DIP2C: variants seen among roughly 807,000 people sequenced by gnomAD.
The protein encoded by DIP2C is DIP2 acetate--CoA ligase C (putative), also known as disco-interacting protein 2 homolog C.
In DIP2C, 33 loss-of-function variants were observed where a neutral mutation model predicts 192.4. The observed-to-expected ratio is 0.17, with a 90% CI of 0.13 to 0.23. DIP2C has a LOEUF of 0.23. Ranked by LOEUF, DIP2C falls within the 10% of genes least tolerant of loss-of-function variation. The probability of loss-of-function intolerance (pLI) is 1.00; values close to 1 mark genes in which losing one functional copy is unlikely to be tolerated. For missense variants in DIP2C, 1,537 were observed against 2,110.1 expected, an observed-to-expected ratio of 0.73 and a Z score of 5.32; for synonymous variants, 979 against 864.1, an observed-to-expected ratio of 1.13 and a Z score of -2.33.
chr10:343,931 T>C (rs1010260838), intron 28 of DIP2C, among the ~76,000 whole-genome samples: 6 of 152,218 alleles, frequency 3.9e-5, no homozygotes, highest in African/African-American at 1.4e-4. Flanking sequence ...CAACCGTGTA[T>C]GGGGTGTAAG....
intron 3 of DIP2C, among the ~76,000 whole-genome samples, chr10:460,587 A>C (rs1589845303): frequency 6.6e-6 from 1 of 152,240 alleles, no homozygotes; most frequent in East Asian, 1.9e-4. Flanking sequence ...GGCTGCTAAA[A>C]TTCAGTCATT....
chr10:388,108 A>G (rs906038276), intron 13 of DIP2C, among the ~76,000 whole-genome samples: 1 of 151,922 alleles, frequency 6.6e-6, no homozygotes, highest in African/African-American at 2.4e-5. Context: ...CTTTTTCTTT[A>G]AAAGATTTCT....
chr10:538,519 C>T (rs1564829795), intron 1 of DIP2C, among the ~76,000 whole-genome samples: 2 of 152,148 alleles, frequency 1.3e-5, no homozygotes, highest in Admixed American at 6.5e-5. Context: ...CAGTCCGGAC[C>T]GTACAGGGGC....
chr10:470,709 C>T (rs1375635561), intron 3 of DIP2C, among the ~76,000 whole-genome samples: 1 of 152,150 alleles, frequency 6.6e-6, no homozygotes, highest in African/African-American at 2.4e-5. Flanking sequence ...CACGCAGTGG[C>T]GACTGACGCG....
chr10:391,749 G>C (rs1451936726), intron 10 of DIP2C, among the ~76,000 whole-genome samples: 1 of 152,210 alleles, frequency 6.6e-6, no homozygotes, highest in Admixed American at 6.5e-5. Context: ...GGCTCAGCAT[G>C]AACCCCTCAA....
intron 31 of DIP2C, among the ~76,000 whole-genome samples, chr10:313,147 G>A (rs1956632175): frequency 6.6e-6 from 1 of 152,112 alleles, no homozygotes. Flanking sequence ...CATATTGAGG[G>A]AGTATTTAAC....
rs79957073 is a variant in DIP2C at position 429,062 on chromosome 10, T to G, written c.395-6029A>C. On this transcript the variant is annotated intron_variant, in intron 4 of 36. Transcript: ENST00000280886. ...ACTGAAACATCATTATCACCCAAAC[T>G]CCATCGTTCACATCAGGGTTCATTC... Among the ~76,000 whole-genome samples the G allele has an allele frequency of 5.9e-3, 900 of 152,060 alleles. 3 individuals are homozygous for G. The highest frequency in any genetic ancestry group is 0.014 in the East Asian group (70 of 5,166).
chr10:514,132 C>T (rs1316292353), intron 1 of DIP2C, among the ~76,000 whole-genome samples: 1 of 152,216 alleles, frequency 6.6e-6, no homozygotes, highest in Admixed American at 6.5e-5. Context: ...CAGAGGCTTC[C>T]TGGTGCATTC....
At chr10:446,382 C>A (rs61837246) in intron 3 of DIP2C, among the ~76,000 whole-genome samples, 2 of 149,972 alleles carry the variant, frequency 1.3e-5, no homozygotes, top group Admixed American at 6.6e-5. Flanking sequence ...ATCTGTATAC[C>A]TCTGTTGTGA....
At chr10:336,539 T>C (rs1957776499) in intron 29 of DIP2C, among the ~76,000 whole-genome samples, 1 of 152,240 alleles carries the variant, frequency 6.6e-6, no homozygotes, top group Non-Finnish European at 1.5e-5. Context: ...GATGAGCATA[T>C]ACAATTATGT....
rs142820128 is a variant in DIP2C, at chr10:399,355, C to A, written c.1150-136G>T. ...CCTATGTAAAATGCATTTCAGTAAG[C>A]TGTGTTTTAATAAGCATCACACACC... is the stretch of plus-strand genomic sequence containing the variant. On this transcript the variant is annotated intron_variant, in intron 9 of 36. Transcript: ENST00000280886. The A allele has an allele frequency of 1.8e-4, 118 of 643,660 alleles. 1 individual carries two copies. In the East Asian group the frequency reaches 3.1e-3, roughly 17 times the overall value. The allele number at this position is 643,660 out of a possible 1,614,324, so 39.9% of individuals were successfully genotyped here.
intron 1 of DIP2C, among the ~76,000 whole-genome samples, chr10:549,636 G>C (rs1170743695): frequency 1.3e-5 from 2 of 151,976 alleles, no homozygotes; most frequent in East Asian, 3.9e-4. Flanking sequence ...CCCCGACCAG[G>C]TGCCGGGGGC....
At chr10:494,821 T>C (rs1285524344) in intron 1 of DIP2C, among the ~76,000 whole-genome samples, 5 of 152,128 alleles carry the variant, frequency 3.3e-5, no homozygotes, top group Non-Finnish European at 4.4e-5. Context: ...CTGTGGAAAA[T>C]AGCATGGAGC....
intron 1 of DIP2C, among the ~76,000 whole-genome samples, chr10:589,570 A>C (rs1851282927): frequency 6.6e-6 from 1 of 152,220 alleles, no homozygotes; most frequent in Non-Finnish European, 1.5e-5. Flanking sequence ...TTTGTTGAAA[A>C]GACTCAAATT....
At chr10:463,069 G>A (rs1004591215) in intron 3 of DIP2C, among the ~76,000 whole-genome samples, 1 of 152,112 alleles carries the variant, frequency 6.6e-6, no homozygotes, top group Admixed American at 6.5e-5. Flanking sequence ...CATACTGAAT[G>A]GGCAAAAACT....
At chr10:379,920 C>T (rs1026047418) in intron 17 of DIP2C, among the ~76,000 whole-genome samples, 6 of 151,192 alleles carry the variant, frequency 4.0e-5, no homozygotes, top group African/African-American at 1.5e-4. Flanking sequence ...TGATGGTTAA[C>T]AGGCAGAAAA....
At chr10:407,971 G>A (rs1328659016) in intron 9 of DIP2C, among the ~76,000 whole-genome samples, 1 of 152,062 alleles carries the variant, frequency 6.6e-6, no homozygotes, top group Non-Finnish European at 1.5e-5. Flanking sequence ...TGTGGTTCGG[G>A]TGCCACATCC....
At chr10:543,420 T>C (rs1224341744) in intron 1 of DIP2C, among the ~76,000 whole-genome samples, 1 of 152,232 alleles carries the variant, frequency 6.6e-6, no homozygotes, top group African/African-American at 2.4e-5. Flanking sequence ...GCCATGGAAA[T>C]TAAACTGACG....
chr10:529,692 T>C (rs1019042812), intron 1 of DIP2C, among the ~76,000 whole-genome samples: 1 of 152,222 alleles, frequency 6.6e-6, no homozygotes, highest in Non-Finnish European at 1.5e-5. Flanking sequence ...ATGGGCTGGA[T>C]AGCTCACTTA....
Sources: gnomAD v4.1 joint callset for allele counts (sites outside exome capture counted in the v4.1 genomes callset) on GRCh38, gnomAD v4.1.1 for gene constraint, MANE v1.5 for transcripts, NCBI Gene and HGNC (gene_info 2026-07-23, HGNC 2026-07-21) for gene names.